JAKMIP2: variants seen among roughly 807,000 people sequenced by gnomAD.
JAKMIP2 encodes janus kinase and microtubule-interacting protein 2.
A neutral mutation model predicts 115.0 loss-of-function variants in JAKMIP2; 25 were observed. The observed-to-expected ratio is 0.22, with a 90% CI of 0.16 to 0.30. JAKMIP2 has a LOEUF of 0.30. JAKMIP2 is among the 10% of genes least tolerant of loss of function. The pLI is 1.00. For synonymous variants in JAKMIP2, 334 were observed against 343.6 expected (o/e 0.97, Z 0.31); for missense variants, 642 against 957.6 (o/e 0.67, Z 4.35).
chr5:147,663,619 T>A (rs1759144304), intron 2 of JAKMIP2, among the ~76,000 whole-genome samples: 1 of 152,232 alleles, frequency 6.6e-6, no homozygotes, highest in African/African-American at 2.4e-5. Flanking sequence ...AGAACCCTAA[T>A]ATACAGTGTC....
intron 1 of JAKMIP2, among the ~76,000 whole-genome samples, chr5:147,689,141 G>C (rs1407619871): frequency 2.6e-5 from 4 of 152,174 alleles, no homozygotes; most frequent in Admixed American, 2.6e-4. Flanking sequence ...GAGCTCCACA[G>C]TGAGCACAGA....
intron 8 of JAKMIP2, among the ~76,000 whole-genome samples, chr5:147,641,346 C>A (rs1757871316): frequency 6.6e-6 from 1 of 152,272 alleles, no homozygotes; most frequent in African/African-American, 2.4e-5. Context: ...ATAAGATTGT[C>A]TGAATGAATA....
At chr5:147,593,067 T>C (rs1755177558) in intron 21 of JAKMIP2, among the ~76,000 whole-genome samples, 1 of 152,204 alleles carries the variant, frequency 6.6e-6, no homozygotes, top group South Asian at 2.1e-4. Flanking sequence ...TTGCCTCCTA[T>C]TGCTCAGACA....
intron 21 of JAKMIP2, among the ~76,000 whole-genome samples, chr5:147,594,865 T>A (rs1261859631): frequency 6.6e-6 from 1 of 152,178 alleles, no homozygotes; most frequent in Non-Finnish European, 1.5e-5. Context: ...GATTATTAAA[T>A]AATTGGTCCA....
At chr5:147,635,503 ACT>A (rs1757572108) in intron 12 of JAKMIP2, among the ~76,000 whole-genome samples, 1 of 152,072 alleles carries the variant, frequency 6.6e-6, no homozygotes, top group African/African-American at 2.4e-5. Context: ...TTGGAGTCAT[ACT>A]CTGTCACTTC....
In JAKMIP2 at chr5:147,641,622, T is replaced by C. The variant is rs1757882943; in HGVS notation, c.1281+86A>G. 5 of 926,424 alleles carry C rather than the reference T, an allele frequency of 5.4e-6. No homozygotes were observed. The African/African-American group carries it at 6.6e-5, about 12-fold the overall frequency. The allele number at this position is 926,424 out of a possible 1,614,324, so 57.4% of individuals were successfully genotyped here. A position where few individuals can be genotyped will look rare whatever the true frequency, so the allele number is the denominator to read the frequency against. On this transcript the variant is annotated intron_variant, in intron 8 of 21. Transcript: ENST00000616793. ...CAACAGTTCTGGAACACCTGATTCA[T>C]CACATCTTTGTAGGAAGATTCCATG...
chr5:147,603,914 C>T (rs1755851960), intron 20 of JAKMIP2, among the ~76,000 whole-genome samples: 1 of 151,996 alleles, frequency 6.6e-6, no homozygotes, highest in Non-Finnish European at 1.5e-5. Flanking sequence ...ATTTTGTTTT[C>T]TCCCCTTTTT....
At position 147,751,009 on chromosome 5, in the gene JAKMIP2, T is replaced by A. The variant is rs578165670; in HGVS notation, c.-149+31447A>T. Among the ~76,000 whole-genome samples the A allele has an allele frequency of 2.0e-5, 3 of 152,326 alleles. No individual in the cohort carries two copies. In the East Asian group the frequency reaches 5.8e-4, roughly 29 times the overall value. On this transcript the variant is annotated intron_variant, in intron 1 of 21. Coordinates refer to ENST00000616793, the MANE Select transcript of JAKMIP2 (RefSeq NM_001270941.2). ...GTAGAATCATCCACTAACATTTGTATTAAATTCTTTCCCATCCACCTATAC... is the reference window on the plus strand; with the variant it reads ...GTAGAATCATCCACTAACATTTGTAATAAATTCTTTCCCATCCACCTATAC...
intron 1 of JAKMIP2, among the ~76,000 whole-genome samples, chr5:147,745,174 A>T (rs1306982084): frequency 6.7e-6 from 1 of 149,066 alleles, no homozygotes; most frequent in Admixed American, 6.8e-5. Flanking sequence ...CAACAAACCG[A>T]CCTTGGCGGA....
At chr5:147,655,292 G>A (rs111660125) in intron 3 of JAKMIP2, among the ~76,000 whole-genome samples, 6,955 of 152,144 alleles carry the variant, frequency 0.046, 519 homozygotes, top group African/African-American at 0.16. Context: ...GCTCCTCTTC[G>A]TACCTCTGGT....
chr5:147,671,570 A>C, intron 2 of JAKMIP2, 108 bp downstream of exon 2: 3 of 955,610 alleles, frequency 3.1e-6, no homozygotes, highest in Non-Finnish European at 4.2e-6. Context: ...CTCTCTGGCA[A>C]AGGGCAGGAG....
chr5:147,655,446 G>C (rs1328207226), intron 3 of JAKMIP2, among the ~76,000 whole-genome samples: 1 of 152,108 alleles, frequency 6.6e-6, no homozygotes, highest in Non-Finnish European at 1.5e-5. Context: ...TAAGTGTCCA[G>C]GAATTCATCC....
chr5:147,709,443 C>A (rs189204596), intron 1 of JAKMIP2, among the ~76,000 whole-genome samples: 1 of 151,706 alleles, frequency 6.6e-6, no homozygotes, highest in Admixed American at 6.6e-5. Flanking sequence ...AATATGCACA[C>A]GTATATATAC....
In JAKMIP2 at chr5:147,589,681, C is replaced by T. The variant is rs1415800532; in HGVS notation, c.*2026G>A. The T allele has an allele frequency of 6.6e-6, 1 of 152,168 alleles. No individual in the cohort carries two copies. The highest frequency in any genetic ancestry group is 1.9e-4 in the East Asian group (1 of 5,194). The allele number at this position is 152,168 out of a possible 1,614,324, so 9.4% of individuals were successfully genotyped here. Reference sequence around the variant, plus strand: ...GGAGATGCTTATCATAGAAATGACACACTCTTCTATCTTGTTCAATAGCAT... The same window carrying T: ...GGAGATGCTTATCATAGAAATGACATACTCTTCTATCTTGTTCAATAGCAT... On this transcript the variant is annotated 3_prime_UTR_variant, in exon 22 of 22. Coordinates refer to ENST00000616793, the MANE Select transcript of JAKMIP2 (RefSeq NM_001270941.2).
At chr5:147,700,019 T>C (rs1018212879) in intron 1 of JAKMIP2, among the ~76,000 whole-genome samples, 1 of 152,212 alleles carries the variant, frequency 6.6e-6, no homozygotes, top group Non-Finnish European at 1.5e-5. Context: ...GAAAGGCCAG[T>C]GCTCCCAATG....
chr5:147,607,278 T>C (rs1756066913), intron 20 of JAKMIP2, among the ~76,000 whole-genome samples: 1 of 152,214 alleles, frequency 6.6e-6, no homozygotes, highest in Non-Finnish European at 1.5e-5. Context: ...GCTTCCAGCT[T>C]TTGCCCATTC....
intron 20 of JAKMIP2, among the ~76,000 whole-genome samples, chr5:147,611,690 C>T (rs992507571): frequency 1.3e-5 from 2 of 152,094 alleles, no homozygotes; most frequent in Non-Finnish European, 2.9e-5. Flanking sequence ...CTGTGTAGCT[C>T]GCTGCTGCTT....
At chr5:147,709,004 A>G (rs891334918) in intron 1 of JAKMIP2, among the ~76,000 whole-genome samples, 3 of 152,222 alleles carry the variant, frequency 2.0e-5, no homozygotes, top group Non-Finnish European at 1.5e-5. Flanking sequence ...CTCTCAATGT[A>G]TCCAGTTGTT....
At chr5:147,595,788 T>C (rs1218919206) in intron 21 of JAKMIP2, among the ~76,000 whole-genome samples, 1 of 152,208 alleles carries the variant, frequency 6.6e-6, no homozygotes, top group Non-Finnish European at 1.5e-5. Flanking sequence ...TGCTAGACAC[T>C]GTTGGTTATG....
Sources: gnomAD v4.1 joint callset for allele counts (sites outside exome capture counted in the v4.1 genomes callset) on GRCh38, gnomAD v4.1.1 for gene constraint, MANE v1.5 for transcripts, NCBI Gene and HGNC (gene_info 2026-07-23, HGNC 2026-07-21) for gene names.